Variants in IL34 observed in about 807,000 individuals in gnomAD.
The protein encoded by IL34 is interleukin 34, also known as interleukin-34.
A neutral mutation model predicts 25.3 loss-of-function variants in IL34; 17 were observed. That is an observed-to-expected ratio of 0.67 (90% CI 0.46 to 1.01). The LOEUF (loss-of-function observed/expected upper bound fraction) is 1.01, where lower values mean the gene tolerates loss of function less well. Among genes scored for constraint, IL34 ranks in the 50% least tolerant of loss-of-function variants. The probability of loss-of-function intolerance (pLI) is 0.00; values close to 1 mark genes in which losing one functional copy is unlikely to be tolerated. For missense variants in IL34, 368 were observed against 312.9 expected (o/e 1.18, Z -1.33); for synonymous variants, 174 against 140.9 (o/e 1.23, Z -1.66).
upstream of IL34, among the ~76,000 whole-genome samples, chr16:70,643,516 C>T (rs2051835979): frequency 6.6e-6 from 1 of 152,114 alleles, no homozygotes; most frequent in African/African-American, 2.4e-5. Context: ...GACCACAGGC[C>T]CGTGCCACTA....
At chr16:70,593,295 G>A (rs967866535) in intron 1 of IL34, among the ~76,000 whole-genome samples, 1 of 152,126 alleles carries the variant, frequency 6.6e-6, no homozygotes, top group African/African-American at 2.4e-5. Flanking sequence ...TTTTAATAAA[G>A]TCTAATGTCA....
intron 1 of IL34, among the ~76,000 whole-genome samples, chr16:70,593,466 A>G (rs1322015509): frequency 6.6e-6 from 1 of 152,118 alleles, no homozygotes; most frequent in Non-Finnish European, 1.5e-5. Flanking sequence ...TGAAAGGTCT[A>G]AGGTCTAAGG....
At position 70,660,233 on chromosome 16, in the gene IL34, C is replaced by T; in HGVS notation, c.*46C>T. ...GGATAGGGGCAGCCAGACCAGCTCC[C>T]ACAGGAGTTCAACTGGGTCTGAGAC... On this transcript the variant is annotated 3_prime_UTR_variant, in exon 6 of 6. Coordinates refer to ENST00000288098, the MANE Select transcript of IL34 (RefSeq NM_001393494.1). 6.7e-7 allele frequency: 1 copy of T among 1,489,474 alleles called. No homozygotes were observed. The highest frequency in any genetic ancestry group is 1.4e-5 in the African/African-American group (1 of 71,186). The allele number at this position is 1,489,474 out of a possible 1,614,324, so 92.3% of individuals were successfully genotyped here.
chr16:70,653,647 A>G (rs2052137896), intron 1 of IL34, among the ~76,000 whole-genome samples: 1 of 151,544 alleles, frequency 6.6e-6, no homozygotes, highest in Non-Finnish European at 1.5e-5. Context: ...GCAATGAGCC[A>G]TGATCCCACT....
At chr16:70,658,143 G>C (rs916774902) in intron 4 of IL34, among the ~76,000 whole-genome samples, 2 of 152,146 alleles carry the variant, frequency 1.3e-5, no homozygotes, top group Admixed American at 6.6e-5. Context: ...TGCTGACAAG[G>C]CCCAGCTTGT....
chr16:70,625,151 T>C (rs1486622910), intron 1 of IL34, among the ~76,000 whole-genome samples: 1 of 151,890 alleles, frequency 6.6e-6, no homozygotes, highest in Non-Finnish European at 1.5e-5. Flanking sequence ...AATAAGGCGT[T>C]TAGGTTTTAG....
rs2052380104 is a variant in IL34 at position 70,660,487 on chromosome 16, G to A, written c.*300G>A. 1 of 308,572 alleles carries A rather than the reference G, an allele frequency of 3.2e-6. No individual in the cohort carries two copies. The highest frequency in any genetic ancestry group is 2.2e-5 in the African/African-American group (1 of 46,458). The allele number at this position is 308,572 out of a possible 1,614,324, so 19.1% of individuals were successfully genotyped here. A position where few individuals can be genotyped will look rare whatever the true frequency, so the allele number is the denominator to read the frequency against. Reference sequence around the variant, plus strand: ...TCCCCCCGCCTAAAGGGGGTACTGAGCCTCCTGTGGCCCGCAGCAGTGAGG... The same window carrying A: ...TCCCCCCGCCTAAAGGGGGTACTGAACCTCCTGTGGCCCGCAGCAGTGAGG... On this transcript the variant is annotated 3_prime_UTR_variant, in exon 6 of 6. Coordinates refer to ENST00000288098, the MANE Select transcript of IL34 (RefSeq NM_001393494.1).
At chr16:70,600,068 C>G (rs1436675833) in intron 1 of IL34, among the ~76,000 whole-genome samples, 1 of 152,120 alleles carries the variant, frequency 6.6e-6, no homozygotes, top group Non-Finnish European at 1.5e-5. Flanking sequence ...GCTTCTCTGT[C>G]CCAGACAAAC....
At chr16:70,620,961 C>T (rs1472971233) in intron 1 of IL34, among the ~76,000 whole-genome samples, 3 of 151,920 alleles carry the variant, frequency 2.0e-5, no homozygotes, top group South Asian at 2.1e-4. Context: ...AGTAGAGACA[C>T]GGAGAAGGGG....
rs556969963 is a variant in IL34, at chr16:70,654,783, C to A, written c.162+112C>A. 2.2e-3 allele frequency: 2,955 copies of A among 1,340,430 alleles called. 11 individuals are homozygous for A. The highest frequency in any genetic ancestry group is 6.0e-3 in the South Asian group (367 of 61,402). The allele number at this position is 1,340,430 out of a possible 1,614,324, so 83.0% of individuals were successfully genotyped here. A position where few individuals can be genotyped will look rare whatever the true frequency, so the allele number is the denominator to read the frequency against. Reference sequence around the variant, plus strand: ...AGGACCTGTGTCAGCCCTGAGCCGACCATGGCCTGTTTCTCTGCCTTTCTC... The same window carrying A: ...AGGACCTGTGTCAGCCCTGAGCCGAACATGGCCTGTTTCTCTGCCTTTCTC... On this transcript the variant is annotated intron_variant, in intron 2 of 5. Coordinates refer to ENST00000288098, the MANE Select transcript of IL34 (RefSeq NM_001393494.1).
At chr16:70,597,840 C>G (rs919228187) in intron 1 of IL34, among the ~76,000 whole-genome samples, 3 of 152,036 alleles carry the variant, frequency 2.0e-5, no homozygotes, top group Non-Finnish European at 2.9e-5. Context: ...CCTGGAGATG[C>G]AGTTCTTTTT....
At chr16:70,625,812 G>A (rs1380213173) in intron 1 of IL34, among the ~76,000 whole-genome samples, 3 of 152,220 alleles carry the variant, frequency 2.0e-5, no homozygotes, top group African/African-American at 7.2e-5. Flanking sequence ...AAAGGAGAAA[G>A]AGGTTGAGGG....
At chr16:70,618,682 G>C (rs2051213793) in intron 1 of IL34, among the ~76,000 whole-genome samples, 1 of 152,180 alleles carries the variant, frequency 6.6e-6, no homozygotes, top group African/African-American at 2.4e-5. Flanking sequence ...ACCATGCCTA[G>C]GGAGGAAAGG....
intron 1 of IL34, among the ~76,000 whole-genome samples, chr16:70,593,673 T>C (rs1446916815): frequency 6.6e-6 from 1 of 152,096 alleles, no homozygotes; most frequent in South Asian, 2.1e-4. Context: ...CATGCCACCA[T>C]GCTGGGCTAT....
chr16:70,654,882 T>C (rs566841110), intron 2 of IL34, among the ~76,000 whole-genome samples: 27 of 152,192 alleles, frequency 1.8e-4, no homozygotes, highest in African/African-American at 6.5e-4. Context: ...CCACCCCTCC[T>C]CCTCGATCTC....
At chr16:70,654,822 T>C (rs371867286) in intron 2 of IL34, 151 bp downstream of exon 2, 27 of 1,015,102 alleles carry the variant, frequency 2.7e-5, no homozygotes, top group African/African-American at 2.6e-4. Flanking sequence ...AACCTACCCA[T>C]GCACCTGGTC....
At chr16:70,657,374 C>CCT in intron 4 of IL34, 1 of 456,952 alleles carries the variant, frequency 2.2e-6, no homozygotes, top group Non-Finnish European at 3.9e-6. Flanking sequence ...CTAGGCTCTG[C>CCT]CTCTCTCCCT....
intron 1 of IL34, among the ~76,000 whole-genome samples, chr16:70,619,022 A>C (rs187370773): frequency 6.6e-6 from 1 of 152,248 alleles, no homozygotes; most frequent in African/African-American, 2.4e-5. Flanking sequence ...TGGGTTTGGC[A>C]CCACGGGGTG....
At chr16:70,618,412 G>C (rs1217873341) in intron 1 of IL34, among the ~76,000 whole-genome samples, 1 of 152,180 alleles carries the variant, frequency 6.6e-6, no homozygotes, top group Non-Finnish European at 1.5e-5. Flanking sequence ...TCAACAAAGA[G>C]TGAGTATAGC....
Sources: gnomAD v4.1 joint callset for allele counts (sites outside exome capture counted in the v4.1 genomes callset) on GRCh38, gnomAD v4.1.1 for gene constraint, MANE v1.5 for transcripts, NCBI Gene and HGNC (gene_info 2026-07-23, HGNC 2026-07-21) for gene names.